Variants in BCHE observed in about 807,000 individuals in gnomAD.
BCHE encodes the protein butyrylcholinesterase.
Under a neutral mutation model 51.3 loss-of-function variants are expected in BCHE, and 48 were observed. The ratio of observed to expected loss-of-function variants is 0.94; its 90% CI spans 0.74 to 1.19. The LOEUF is 1.19. Among genes scored for constraint, BCHE ranks in the 50% most tolerant of loss-of-function variants. The pLI is 0.00. For missense variants in BCHE, 847 were observed against 708.2 expected (o/e 1.20, Z -2.23); for synonymous variants, 251 against 238.0 (o/e 1.05, Z -0.50).
In BCHE at chr3:165,830,643, T is replaced by A; in HGVS notation, c.391A>T (p.Lys131Ter). 1 of 1,614,056 alleles carries A rather than the reference T, an allele frequency of 6.2e-7. No individual in the cohort carries two copies. Among genetic ancestry groups the A allele is most frequent in the Non-Finnish European group, 8.5e-7 (1 of 1,179,976 alleles). The change falls in exon 2 of 4, where the codon AAA (lysine) becomes TAA (stop). Residue 131 changes from lysine (K) to a stop codon, truncating the protein, a stop_gained. Coordinates refer to ENST00000264381, the MANE Select transcript of BCHE (RefSeq NM_000055.4). LOFTEE classifies it high-confidence loss of function. ...ATCAATACAGTGGCATTTTTTGGTT[T>A]AGGTGCTGGAATCCATACATTTAGA... is the stretch of plus-strand genomic sequence containing the variant. The part of the protein sequence containing the change: ...LYLNVWIPAP[K>*]PKNATVLIWI...
intron 2 of BCHE, among the ~76,000 whole-genome samples, chr3:165,824,508 C>A (rs1714647511): frequency 1.3e-5 from 2 of 151,954 alleles, no homozygotes; most frequent in African/African-American, 4.8e-5. Context: ...TGCTCCACAT[C>A]TATTATTTAA....
intron 2 of BCHE, among the ~76,000 whole-genome samples, chr3:165,792,168 G>A (rs961574234): frequency 3.7e-4 from 56 of 151,860 alleles, no homozygotes; most frequent in African/African-American, 1.3e-3. Context: ...CCTAGAATGT[G>A]ACACACATTC....
chr3:165,802,220 GAT>G (rs1271067486), intron 2 of BCHE, among the ~76,000 whole-genome samples: 1 of 152,186 alleles, frequency 6.6e-6, no homozygotes, highest in Non-Finnish European at 1.5e-5. Context: ...TGCAATAAGT[GAT>G]ATCAAGGAGA....
intron 2 of BCHE, among the ~76,000 whole-genome samples, chr3:165,793,913 G>A (rs1369052521): frequency 6.6e-6 from 1 of 152,086 alleles, no homozygotes; most frequent in African/African-American, 2.4e-5. Context: ...GGGGCGTGGT[G>A]GTGTGCACCT....
At chr3:165,833,395 T>C (rs1219597022) in intron 1 of BCHE, among the ~76,000 whole-genome samples, 1 of 152,140 alleles carries the variant, frequency 6.6e-6, no homozygotes, top group Non-Finnish European at 1.5e-5. Flanking sequence ...CTTTAGGCTA[T>C]ATGGTATAGG....
At chr3:165,802,811 G>T (rs905474672) in intron 2 of BCHE, among the ~76,000 whole-genome samples, 1 of 151,916 alleles carries the variant, frequency 6.6e-6, no homozygotes, top group East Asian at 1.9e-4. Flanking sequence ...GCGCGATCTC[G>T]GCTCACTGCA....
rs1712941396 is a variant in BCHE at position 165,786,166 on chromosome 3, G to GA, written c.1662dup (p.Pro555SerfsTer11). On this transcript the variant is annotated frameshift_variant, in exon 3 of 4. Coordinates refer to ENST00000264381, the MANE Select transcript of BCHE (RefSeq NM_000055.4). LOFTEE classifies it high-confidence loss of function. ...ACACCTGTCATTTCCAAGACTTTTG[G>GA]AAAAAATGATGTCCAGAATCGACAT... 2 of 1,611,606 alleles carry GA rather than the reference G, an allele frequency of 1.2e-6. No individual in the cohort carries two copies. The highest frequency in any genetic ancestry group is 2.2e-5 in the East Asian group (1 of 44,734).
At chr3:165,831,125 A>C in intron 1 of BCHE, 84 bp from the exon 2 acceptor site, 1 of 1,198,634 alleles carries the variant, frequency 8.3e-7, no homozygotes, top group Admixed American at 2.1e-5. Flanking sequence ...CCTAAAATAT[A>C]GTCGTTAGTA....
At chr3:165,821,265 A>T (rs536650331) in intron 2 of BCHE, among the ~76,000 whole-genome samples, 84 of 152,028 alleles carry the variant, frequency 5.5e-4, no homozygotes, top group African/African-American at 1.9e-3. Flanking sequence ...ATAATTTGGA[A>T]ATTAATTTCT....
chr3:165,775,841 G>C (rs966280886), intron 3 of BCHE, among the ~76,000 whole-genome samples: 1 of 151,900 alleles, frequency 6.6e-6, no homozygotes, highest in Non-Finnish European at 1.5e-5. Context: ...CAGAGAAAGT[G>C]AATACACCGT....
intron 2 of BCHE, among the ~76,000 whole-genome samples, chr3:165,802,720 A>AT (rs535359271): frequency 1.7e-3 from 251 of 151,544 alleles, no homozygotes; most frequent in African/African-American, 5.9e-3. Flanking sequence ...GAAATAAATG[A>AT]TTTTTTGTTT....
At chr3:165,824,224 A>G (rs915795114) in intron 2 of BCHE, among the ~76,000 whole-genome samples, 6 of 151,790 alleles carry the variant, frequency 4.0e-5, no homozygotes, top group African/African-American at 1.4e-4. Context: ...ACACTATATT[A>G]TGATAAAGTT....
chr3:165,778,694 T>C (rs754247056), intron 3 of BCHE: 15 of 454,038 alleles, frequency 3.3e-5, no homozygotes, highest in Admixed American at 2.4e-4. Flanking sequence ...TGTGCAGCTC[T>C]AGCTGCTAGT....
chr3:165,813,230 G>T (rs976669217), intron 2 of BCHE, among the ~76,000 whole-genome samples: 1 of 151,734 alleles, frequency 6.6e-6, no homozygotes, highest in Admixed American at 6.6e-5. Flanking sequence ...TTAATATGTA[G>T]TTGAAATCTC....
At chr3:165,821,428 A>G (rs1391778897) in intron 2 of BCHE, among the ~76,000 whole-genome samples, 1 of 151,752 alleles carries the variant, frequency 6.6e-6, no homozygotes, top group Non-Finnish European at 1.5e-5. Flanking sequence ...ACATGGAATG[A>G]TTCCAATTAA....
chr3:165,796,806 T>C (rs1184603003), intron 2 of BCHE, among the ~76,000 whole-genome samples: 1 of 152,190 alleles, frequency 6.6e-6, no homozygotes, highest in Non-Finnish European at 1.5e-5. Flanking sequence ...CAGTTCTCTT[T>C]TAGTAATTTC....
intron 2 of BCHE, among the ~76,000 whole-genome samples, chr3:165,799,932 A>T (rs991866356): frequency 6.6e-6 from 1 of 152,108 alleles, no homozygotes; most frequent in Non-Finnish European, 1.5e-5. Context: ...ACTGATCATT[A>T]GTAAGTTAAA....
rs1714913328 is a variant in BCHE, at chr3:165,830,289, T to C, written c.745A>G (p.Ile249Val). Residue 249 changes from isoleucine (I) to valine (V), a missense_variant, in exon 2 of 4, where the codon ATT becomes GTT. By Grantham distance (29) the Ile-to-Val change is conservative (BLOSUM62 3). Coordinates refer to ENST00000264381, the MANE Select transcript of BCHE (RefSeq NM_000055.4). ...GCATTAAAGGATCCACTTTGCAGAA[T>C]GGCTCTGGTGAACAATGAATGGCTT... The part of the protein sequence containing the change: ...PGSHSLFTRA[I>V]LQSGSFNAPW... 6.2e-7 allele frequency: 1 copy of C among 1,614,022 alleles called. No individual in the cohort carries two copies. The highest frequency in any genetic ancestry group is 8.5e-7 in the Non-Finnish European group (1 of 1,179,942).
At chr3:165,792,337 A>C (rs925405673) in intron 2 of BCHE, among the ~76,000 whole-genome samples, 6 of 152,196 alleles carry the variant, frequency 3.9e-5, no homozygotes, top group Non-Finnish European at 7.4e-5. Context: ...TTTTAGGAAA[A>C]ATTACCCGGA....
Sources: gnomAD v4.1 joint callset for allele counts (sites outside exome capture counted in the v4.1 genomes callset) on GRCh38, gnomAD v4.1.1 for gene constraint, MANE v1.5 for transcripts, NCBI Gene and HGNC (gene_info 2026-07-23, HGNC 2026-07-21) for gene names.